Variants in EPSTI1 observed in about 807,000 individuals in gnomAD.
EPSTI1 encodes the protein epithelial-stromal interaction protein 1.
Under a neutral mutation model 49.9 loss-of-function variants are expected in EPSTI1, and 66 were observed. The observed-to-expected ratio is 1.32, with a 90% CI of 1.08 to 1.62. The LOEUF (loss-of-function observed/expected upper bound fraction) is 1.62. Among genes scored for constraint, EPSTI1 ranks in the 40% most tolerant of loss-of-function variants. The pLI, the probability that EPSTI1 is intolerant of heterozygous loss-of-function variation, is 0.00. For missense variants in EPSTI1, 394 were observed against 365.5 expected (o/e 1.08, Z -0.64); for synonymous variants, 137 against 130.7 (o/e 1.05, Z -0.33).
At chr13:42,918,003 A>ATAG (rs1258918337) in intron 7 of EPSTI1, among the ~76,000 whole-genome samples, 1 of 152,240 alleles carries the variant, frequency 6.6e-6, no homozygotes, top group African/African-American at 2.4e-5. Context: ...AAGACAAGCA[A>ATAG]TAGTGGCACT....
chr13:42,896,980 G>A (rs1209120645), intron 9 of EPSTI1, among the ~76,000 whole-genome samples: 1 of 151,792 alleles, frequency 6.6e-6, no homozygotes, highest in Non-Finnish European at 1.5e-5. Flanking sequence ...GGCACCTATA[G>A]TCCCAGCTAC....
intron 1 of EPSTI1, among the ~76,000 whole-genome samples, chr13:42,984,823 G>A (rs971986230): frequency 6.6e-6 from 1 of 152,228 alleles, no homozygotes; most frequent in Non-Finnish European, 1.5e-5. Flanking sequence ...ACGCATTAAG[G>A]TTGGATCAAG....
chr13:42,944,849 T>A (rs2038872052), intron 6 of EPSTI1, among the ~76,000 whole-genome samples: 1 of 152,148 alleles, frequency 6.6e-6, no homozygotes. Flanking sequence ...ATGGACCTTG[T>A]AGAAACTATA....
Position 42,917,640 on chromosome 13 carries a change from G to GCT in EPSTI1, c.658-17_658-16insAG. ...AGCTTCTGGCCTGTAAAGGTACAAA[G>GCT]AGAAAAAAAAAAAAAAAAACAACTT... On this transcript the variant is annotated splice_polypyrimidine_tract_variant and intron_variant, in intron 7 of 10. Coordinates refer to ENST00000313624, the MANE Select transcript of EPSTI1 (RefSeq NM_033255.5). 6.7e-6 allele frequency: 1 copy of GCT among 149,422 alleles called. No homozygotes were observed. The highest frequency in any genetic ancestry group is 1.1e-5 in the Non-Finnish European group (1 of 92,640). 9.3% of individuals were successfully genotyped at this position (149,422 alleles called of 1,614,324 possible). A position where few individuals can be genotyped will look rare whatever the true frequency, so the allele number is the denominator to read the frequency against.
At chr13:42,907,608 C>T (rs932504515) in intron 8 of EPSTI1, among the ~76,000 whole-genome samples, 2 of 152,142 alleles carry the variant, frequency 1.3e-5, no homozygotes, top group Non-Finnish European at 1.5e-5. Context: ...TATATATTGA[C>T]GTCTACTAGT....
chr13:42,980,273 A>G (rs2039964316), intron 1 of EPSTI1, among the ~76,000 whole-genome samples: 1 of 152,246 alleles, frequency 6.6e-6, no homozygotes, highest in Non-Finnish European at 1.5e-5. Flanking sequence ...AGTTTAAAAC[A>G]AAGATTAGAA....
intron 9 of EPSTI1, among the ~76,000 whole-genome samples, chr13:42,898,317 A>G (rs1322615599): frequency 6.6e-6 from 1 of 152,238 alleles, no homozygotes; most frequent in East Asian, 1.9e-4. Flanking sequence ...TGTTGCCTTG[A>G]GTAAGAATGG....
rs532318397 is a variant in EPSTI1, at chr13:42,926,666, C to T, written c.564-237G>A. On this transcript the variant is annotated intron_variant, in intron 6 of 10. Transcript: ENST00000313624. ...TAAAACTAGCTTTATGAAATGTGAG[C>T]TTATGACCTCATTTTTTCCACTTTA... Among the ~76,000 whole-genome samples the T allele has an allele frequency of 9.9e-5, 15 of 152,230 alleles. No homozygotes were observed. The East Asian group carries it at 2.5e-3, about 25-fold the overall frequency.
At chr13:42,956,263 G>T (rs2039268756) in intron 5 of EPSTI1, among the ~76,000 whole-genome samples, 1 of 152,188 alleles carries the variant, frequency 6.6e-6, no homozygotes, top group Non-Finnish European at 1.5e-5. Context: ...TTCTAACTTT[G>T]GGTAAGCTGC....
intron 7 of EPSTI1, among the ~76,000 whole-genome samples, chr13:42,925,898 A>C (rs2038156574): frequency 6.6e-6 from 1 of 152,210 alleles, no homozygotes; most frequent in Admixed American, 6.5e-5. Context: ...TGTGCTCAGC[A>C]GTTTGCTTTA....
At chr13:42,989,560 CTTTTTTCTTTTTT>C (rs1481419817) in intron 1 of EPSTI1, among the ~76,000 whole-genome samples, 1 of 37,030 alleles carries the variant, frequency 2.7e-5, no homozygotes, top group Non-Finnish European at 7.6e-5. Flanking sequence ...ACTTTATCCT[CTTTTTTCTTTTTT>C]TTTTTTTTTT....
intron 6 of EPSTI1, among the ~76,000 whole-genome samples, chr13:42,948,736 C>G (rs909314339): frequency 1.3e-5 from 2 of 152,178 alleles, no homozygotes; most frequent in African/African-American, 4.8e-5. Flanking sequence ...CTTGGCCTCC[C>G]AAAGTGCTGG....
rs376960503 is a variant in EPSTI1, at chr13:42,921,313, T to C, written c.658-3689A>G. Among the ~76,000 whole-genome samples the C allele has an allele frequency of 1.7e-4, 26 of 152,322 alleles. No homozygotes were observed. In the East Asian group the frequency reaches 4.8e-3, roughly 28 times the overall value. On this transcript the variant is annotated intron_variant, in intron 7 of 10. Transcript: ENST00000313624. ...TGGCCTTGGATTTCTCAGGAACCAG[T>C]ATTCAAAGTTAGAAGAGCAATGCCT...
intron 10 of EPSTI1, 114 bp from the exon 11 acceptor site, chr13:42,888,616 C>A: frequency 9.1e-7 from 1 of 1,102,282 alleles, no homozygotes; most frequent in East Asian, 2.4e-5. Flanking sequence ...GCTGAAATGA[C>A]CATTTTTTAA....
intron 6 of EPSTI1, among the ~76,000 whole-genome samples, chr13:42,945,382 C>G (rs943006836): frequency 5.9e-5 from 9 of 152,184 alleles, no homozygotes; most frequent in Admixed American, 3.9e-4. Flanking sequence ...ATTATGGGAG[C>G]TACAATTCAA....
At chr13:42,939,259 C>T (rs933499944) in intron 6 of EPSTI1, among the ~76,000 whole-genome samples, 8 of 152,174 alleles carry the variant, frequency 5.3e-5, no homozygotes, top group African/African-American at 9.7e-5. Flanking sequence ...ATTTTGCCTT[C>T]GTATCATTCA....
Position 42,991,833 on chromosome 13 carries a change from T to C in EPSTI1, c.188+145A>G. The C allele has an allele frequency of 3.3e-6, 3 of 918,464 alleles. No individual in the cohort carries two copies. The East Asian group carries it at 7.5e-5, about 23-fold the overall frequency. The allele number at this position is 918,464 out of a possible 1,614,324, so 56.9% of individuals were successfully genotyped here. A position where few individuals can be genotyped will look rare whatever the true frequency, so the allele number is the denominator to read the frequency against. ...TTTATAAGGTGCGGCATGGATACTT[T>C]CATTTAAGCAAATGAGCTTTCATTC... On this transcript the variant is annotated intron_variant, in intron 1 of 10. Coordinates refer to ENST00000313624, the MANE Select transcript of EPSTI1 (RefSeq NM_033255.5).
intron 5 of EPSTI1, among the ~76,000 whole-genome samples, chr13:42,962,542 G>A (rs755339912): frequency 3.1e-4 from 47 of 151,876 alleles, no homozygotes; most frequent in Non-Finnish European, 5.7e-4. Context: ...GGCCAAGGCA[G>A]GTGGATCCCT....
At position 42,886,493 on chromosome 13, in the gene EPSTI1, G is replaced by A. The variant is rs1410973001; in HGVS notation, c.*2001C>T. On this transcript the variant is annotated 3_prime_UTR_variant, in exon 11 of 11. Transcript: ENST00000313624. ...CATCTTACATTGGAACGATTTTCTT[G>A]TTTTTATTTTCTACAAAAAAAAAAG... The A allele has an allele frequency of 6.6e-6, 1 of 151,454 alleles. No individual in the cohort carries two copies. Among genetic ancestry groups the A allele is most frequent in the Non-Finnish European group, 1.5e-5 (1 of 67,830 alleles). The allele number at this position is 151,454 out of a possible 1,614,324, so 9.4% of individuals were successfully genotyped here. A position where few individuals can be genotyped will look rare whatever the true frequency, so the allele number is the denominator to read the frequency against.
Sources: gnomAD v4.1 joint callset for allele counts (sites outside exome capture counted in the v4.1 genomes callset) on GRCh38, gnomAD v4.1.1 for gene constraint, MANE v1.5 for transcripts, NCBI Gene and HGNC (gene_info 2026-07-23, HGNC 2026-07-21) for gene names.